Variants in RNF135 observed in about 807,000 individuals in gnomAD.
The protein encoded by RNF135 is E3 ubiquitin-protein ligase RNF135.
In RNF135, 46 loss-of-function variants were observed where a neutral mutation model predicts 41.9. The observed-to-expected ratio is 1.10, with a 90% confidence interval of 0.87 to 1.40. The LOEUF (loss-of-function observed/expected upper bound fraction) is 1.40, where lower values mean the gene tolerates loss of function less well. RNF135 is among the 40% of genes most tolerant of loss of function. RNF135 has a pLI of 0.00. For synonymous variants in RNF135, 238 were observed against 223.8 expected, an observed-to-expected ratio of 1.06 and a Z score of -0.57; for missense variants, 539 against 549.8, an observed-to-expected ratio of 0.98 and a Z score of 0.20.
At chr17:30,988,151 G>C (rs748881309) in intron 3 of RNF135, 45 bp downstream of exon 3, 9 of 1,580,038 alleles carry the variant, frequency 5.7e-6, no homozygotes, top group Middle Eastern at 1.7e-4. Context: ...TATGGAAGTT[G>C]GGGGGAGTAG....
At chr17:30,976,832 A>G (rs1311458409) in intron 1 of RNF135, among the ~76,000 whole-genome samples, 1 of 152,136 alleles carries the variant, frequency 6.6e-6, no homozygotes, top group African/African-American at 2.4e-5. Context: ...ATATGTGCCT[A>G]TAGATGAAGT....
intron 1 of RNF135, among the ~76,000 whole-genome samples, chr17:30,982,710 T>A (rs1268222348): frequency 1.3e-5 from 2 of 152,128 alleles, no homozygotes; most frequent in Non-Finnish European, 2.9e-5. Context: ...CCTTAAGTCT[T>A]CTGGCTTTCC....
intron 3 of RNF135, among the ~76,000 whole-genome samples, chr17:30,991,010 C>A (rs1907949430): frequency 6.6e-6 from 1 of 152,098 alleles, no homozygotes; most frequent in Admixed American, 6.6e-5. Flanking sequence ...ATTTGTAGCT[C>A]AAATTGCCAG....
At chr17:30,976,416 A>C (rs766539852) in intron 1 of RNF135, among the ~76,000 whole-genome samples, 14 of 152,230 alleles carry the variant, frequency 9.2e-5, no homozygotes, top group Non-Finnish European at 1.8e-4. Flanking sequence ...GAAAAGATCC[A>C]TGTGTATTCT....
intron 1 of RNF135, chr17:30,971,714 T>TA: frequency 7.6e-7 from 1 of 1,314,450 alleles, no homozygotes. Flanking sequence ...CAATCGATCT[T>TA]CGGTCTCTTT....
intron 1 of RNF135, 137 bp downstream of exon 1, chr17:30,971,582 C>T: frequency 1.5e-6 from 2 of 1,359,418 alleles, no homozygotes; most frequent in Non-Finnish European, 1.9e-6. Context: ...TCGAGTTCCG[C>T]TCTTCGGAGG....
At position 30,998,997 on chromosome 17, in the gene RNF135, G is replaced by A. The variant is rs766355675; in HGVS notation, c.1105G>A (p.Gly369Ser). ...GCACATGGTCAAGGAAACTGTCCTT[G>A]GCTCAGACAGACCTGGGGTGGTGGG... Reference protein sequence around the residue: ...AWHMVKETVLGSDRPGVVGIW... With the variant: ...AWHMVKETVLSSDRPGVVGIW... The change falls in exon 5 of 5, where the codon GGC becomes AGC. Residue 369 changes from glycine to serine, a missense_variant. By Grantham distance (56) the Gly-to-Ser change is moderately conservative (BLOSUM62 0). Transcript: ENST00000328381. 3.1e-6 allele frequency: 5 copies of A among 1,614,170 alleles called. No individual in the cohort carries two copies. The highest frequency in any genetic ancestry group is 2.2e-5 in the East Asian group (1 of 44,882).
chr17:30,974,643 T>A (rs996766012), intron 1 of RNF135, among the ~76,000 whole-genome samples: 11 of 151,506 alleles, frequency 7.3e-5, no homozygotes, highest in Non-Finnish European at 1.6e-4. Context: ...TTGATTAAAT[T>A]TATTCCTAGC....
intron 1 of RNF135, 43 bp downstream of exon 1, chr17:30,971,488 G>A: frequency 6.9e-7 from 1 of 1,452,178 alleles, no homozygotes; most frequent in Non-Finnish European, 9.0e-7. Flanking sequence ...CCCCCGGGCT[G>A]CCCGCCGCCT....
chr17:30,977,593 T>G (rs1268641791), intron 1 of RNF135, among the ~76,000 whole-genome samples: 1 of 152,042 alleles, frequency 6.6e-6, no homozygotes, highest in African/African-American at 2.4e-5. Context: ...AGGCTGGTCT[T>G]GAACTCCTGA....
At chr17:30,971,015 A>G, upstream of RNF135, 1 of 1,531,378 alleles carries the variant, frequency 6.5e-7, no homozygotes, top group Non-Finnish European at 8.7e-7. Context: ...GCGAGGGAGG[A>G]GCCTGAGGAG....
At chr17:30,963,093 C>CA in the RNF135 span, among the ~76,000 whole-genome samples, 3 of 99,388 alleles carry the variant, frequency 3.0e-5, no homozygotes, top group Non-Finnish European at 5.6e-5. Context: ...GATTCCCTAG[C>CA]TTTTTTTTTT....
chr17:30,969,371 T>C (rs2142642244), upstream of RNF135: 1 of 152,376 alleles, frequency 6.6e-6, no homozygotes, highest in East Asian at 1.9e-4. Flanking sequence ...GGTTATGCTG[T>C]AGCAGCACAC....
At chr17:30,980,665 C>T (rs1383393333) in intron 1 of RNF135, among the ~76,000 whole-genome samples, 1 of 134,182 alleles carries the variant, frequency 7.5e-6, no homozygotes, top group Non-Finnish European at 1.6e-5. Context: ...CGGGCAGAGA[C>T]GCTCCTCACC....
intron 1 of RNF135, chr17:30,971,696 C>G (rs962741085): frequency 3.8e-6 from 5 of 1,326,006 alleles, no homozygotes; most frequent in Non-Finnish European, 4.8e-6. Flanking sequence ...CATATTTCAA[C>G]TTCTTCCCAA....
chr17:30,969,515 C>T (rs1438062609), upstream of RNF135, among the ~76,000 whole-genome samples: 4 of 152,174 alleles, frequency 2.6e-5, no homozygotes, highest in Non-Finnish European at 5.9e-5. Flanking sequence ...ATGGTTTCAT[C>T]TCCATAATTG....
chr17:30,977,199 A>C (rs1906535400), intron 1 of RNF135, among the ~76,000 whole-genome samples: 1 of 152,200 alleles, frequency 6.6e-6, no homozygotes, highest in Admixed American at 6.5e-5. Flanking sequence ...GCTTGCATGA[A>C]CTACCTAACA....
At chr17:30,970,945 G>A, upstream of RNF135, 24 of 1,309,524 alleles carry the variant, frequency 1.8e-5, no homozygotes, top group Non-Finnish European at 2.5e-5. Context: ...ACGGGGTGGC[G>A]CCAAGGAAGG....
In RNF135 at chr17:30,998,857, G is replaced by A; in HGVS notation, c.965G>A (p.Cys322Tyr). ...TACTGGGAAGTGGACACTAGGAATT[G>A]CAGCCACTGGGCAGTTGGGGTGGCT... ...KHYWEVDTRN[C>Y]SHWAVGVASW... The change falls in exon 5 of 5, where the codon TGC becomes TAC. Residue 322 changes from cysteine to tyrosine, a missense_variant. Coordinates refer to ENST00000328381, the MANE Select transcript of RNF135 (RefSeq NM_032322.4). 2 of 1,612,828 alleles carry A rather than the reference G, an allele frequency of 1.2e-6. No homozygotes were observed. The highest frequency in any genetic ancestry group is 1.1e-5 in the South Asian group (1 of 90,956).
Sources: gnomAD v4.1 joint callset for allele counts (sites outside exome capture counted in the v4.1 genomes callset) on GRCh38, gnomAD v4.1.1 for gene constraint, MANE v1.5 for transcripts, NCBI Gene and HGNC (gene_info 2026-07-23, HGNC 2026-07-21) for gene names.